The following STING1 variants were observed in gnomAD, a reference collection of about 807,000 sequenced individuals.
STING1 encodes stimulator of interferon genes protein.
In STING1, 19 loss-of-function variants were observed where a neutral mutation model predicts 31.6. The observed-to-expected ratio is 0.60, with a 90% CI of 0.42 to 0.88. The LOEUF (loss-of-function observed/expected upper bound fraction) is 0.88. Among genes scored for constraint, STING1 ranks in the 40% least tolerant of loss-of-function variants. The pLI, the probability that STING1 is intolerant of heterozygous loss-of-function variation, is 0.00. For synonymous variants in STING1, 200 were observed against 208.6 expected, an observed-to-expected ratio of 0.96 and a Z score of 0.35; for missense variants, 371 against 483.7, an observed-to-expected ratio of 0.77 and a Z score of 2.19.
Position 139,477,449 on chromosome 5 carries a change from G to C in STING1, c.826C>G (p.Gln276Glu), listed in dbSNP as rs1751696876. ...QTLFAMSQYS[Q>E]AGFSREDRLE... is the part of the protein sequence containing the mutation. ...CTATCCTCCCGGCTAAAGCCAGCTTGACTGTATTGTGACATGGCAAACAAA... is the reference window on the plus strand; with the variant it reads ...CTATCCTCCCGGCTAAAGCCAGCTTCACTGTATTGTGACATGGCAAACAAA... The change falls in exon 7 of 8, where the codon CAA becomes GAA. Residue 276 changes from glutamine to glutamate, a missense_variant. Gln to Glu is a conservative substitution (Grantham distance 29). Transcript: ENST00000330794. The C allele has an allele frequency of 1.9e-6, 3 of 1,614,212 alleles. No individual in the cohort carries two copies. The highest frequency in any genetic ancestry group is 2.5e-6 in the Non-Finnish European group (3 of 1,180,026).
chr5:139,476,904 C>CATCTCA (rs1554072664), intron 7 of STING1, among the ~76,000 whole-genome samples: 2 of 118,408 alleles, frequency 1.7e-5, no homozygotes, highest in East Asian at 4.7e-4. Flanking sequence ...GACTCCATCT[C>CATCTCA]AAAAAAAAAA....
Position 139,476,427 on chromosome 5 carries a change from A to C in STING1, c.974T>G (p.Leu325Arg). 6.2e-7 allele frequency: 1 copy of C among 1,612,418 alleles called. No homozygotes were observed. Among genetic ancestry groups the C allele is most frequent in the Non-Finnish European group, 8.5e-7 (1 of 1,179,968 alleles). Residue 325 changes from leucine (L) to arginine (R), a missense_variant, in exon 8 of 8, where the codon CTG becomes CGG. By Grantham distance (102) the Leu-to-Arg change is moderately radical. Transcript: ENST00000330794. ...CAGGTGCCGGAGAACCTCCTGGGAC[A>C]GCGAGAAGCTGCTGTCATCTGCAGG... ...QEPADDSSFS[L>R]SQEVLRHLRQ... is the part of the protein sequence containing the mutation.
rs1443477829 is a variant in STING1 at position 139,481,126 on chromosome 5, T to A, written c.411+33A>T. The A allele has an allele frequency of 1.2e-6, 2 of 1,610,684 alleles. No homozygotes were observed. The highest frequency in any genetic ancestry group is 2.2e-5 in the South Asian group (2 of 90,946). On this transcript the variant is annotated intron_variant, in intron 4 of 7. Coordinates refer to ENST00000330794, the MANE Select transcript of STING1 (RefSeq NM_198282.4). The surrounding 1 kb of genome is among the most constrained non-coding windows in gnomAD (Gnocchi z 4.1). ...GGTCACACCAGCCACAGCCACCACTTGGCCAGAGCTTCTACCTCCCCCTGT... is the reference window on the plus strand; with the variant it reads ...GGTCACACCAGCCACAGCCACCACTAGGCCAGAGCTTCTACCTCCCCCTGT...
chr5:139,480,641 A>C, intron 5 of STING1, 149 bp downstream of exon 5: 1 of 626,790 alleles, frequency 1.6e-6, no homozygotes. Context: ...TCATAGCAAC[A>C]TCCTTCATGC....
rs747314479 is a variant in STING1 at position 139,478,467 on chromosome 5, T to C, written c.562A>G (p.Asn188Asp). 4.3e-6 allele frequency: 7 copies of C among 1,614,142 alleles called. No homozygotes were observed. The South Asian group carries it at 7.7e-5, about 18-fold the overall frequency. ...RIRTYNQHYN[N>D]LLRGAVSQRL... ...TGGCTCACTGCACCCCGTAGCAGGT[T>C]GTTGTAATGCTGATTGTAAGTTCGA... The change falls in exon 6 of 8, where the codon AAC (asparagine) becomes GAC (aspartate). Residue 188 changes from asparagine (N) to aspartate (D), a missense_variant. Physicochemically the swap from Asn to Asp is conservative, Grantham distance 23. Coordinates refer to ENST00000330794, the MANE Select transcript of STING1 (RefSeq NM_198282.4).
chr5:139,479,559 G>A (rs932191238), intron 5 of STING1, among the ~76,000 whole-genome samples: 6 of 150,514 alleles, frequency 4.0e-5, no homozygotes, highest in African/African-American at 1.5e-4. Flanking sequence ...AAAATTAGCC[G>A]GGCGTGGTGG....
Position 139,476,007 on chromosome 5 carries a change from T to G in STING1, c.*254A>C. 1 of 442,174 alleles carries G rather than the reference T, an allele frequency of 2.3e-6. No homozygotes were observed. 27.4% of individuals were successfully genotyped at this position (442,174 alleles called of 1,614,324 possible). ...TTATGAAAAACTTCCACACACTCAGTCCTCACAACAACCGTGAGGGAGGTA... is the reference window on the plus strand; with the variant it reads ...TTATGAAAAACTTCCACACACTCAGGCCTCACAACAACCGTGAGGGAGGTA... On this transcript the variant is annotated 3_prime_UTR_variant, in exon 8 of 8. Transcript: ENST00000330794.
chr5:139,480,053 C>T (rs1751790291), intron 5 of STING1, among the ~76,000 whole-genome samples: 1 of 151,288 alleles, frequency 6.6e-6, no homozygotes, highest in Admixed American at 6.6e-5. Flanking sequence ...TTGGTGGCTC[C>T]TGCTTGTTAT....
Position 139,477,522 on chromosome 5 carries a change from G to T in STING1, c.760-7C>A. 2 of 1,612,522 alleles carry T rather than the reference G, an allele frequency of 1.2e-6. No homozygotes were observed. The highest frequency in any genetic ancestry group is 1.7e-6 in the Non-Finnish European group (2 of 1,179,092). On this transcript the variant is annotated splice_polypyrimidine_tract_variant and splice_region_variant and intron_variant, in intron 6 of 7. Transcript: ENST00000330794. ...CCAGGACACAGGTGCCCGCCTAGAG[G>T]AGGTAAGAGGAAGACCAGACTAAGC... is the stretch of plus-strand genomic sequence containing the variant.
Position 139,478,460 on chromosome 5 carries a change from A to G in STING1, c.569T>C (p.Leu190Pro). 1 of 1,614,202 alleles carries G rather than the reference A, an allele frequency of 6.2e-7. No individual in the cohort carries two copies. The highest frequency in any genetic ancestry group is 8.5e-7 in the Non-Finnish European group (1 of 1,180,028). ...CAGCCGCTGGCTCACTGCACCCCGT[A>G]GCAGGTTGTTGTAATGCTGATTGTA... ...RTYNQHYNNL[L>P]RGAVSQRLYI... Residue 190 changes from leucine to proline, a missense_variant, in exon 6 of 8, where the codon CTA becomes CCA. Transcript: ENST00000330794.
At position 139,476,497 on chromosome 5, in the gene STING1, C is replaced by A. The variant is rs374785732; in HGVS notation, c.947-43G>T. 72 of 1,573,306 alleles carry A rather than the reference C, an allele frequency of 4.6e-5. No homozygotes were observed. In the South Asian group the frequency reaches 7.8e-4, roughly 17 times the overall value. ...GGGAGAGAGTAATGAGGATCTTACCCATTCCCACTCAAACATACCTAGAGA... is the reference window on the plus strand; with the variant it reads ...GGGAGAGAGTAATGAGGATCTTACCAATTCCCACTCAAACATACCTAGAGA... On this transcript the variant is annotated intron_variant, in intron 7 of 7. Transcript: ENST00000330794.
chr5:139,478,181 G>T, intron 6 of STING1, 89 bp downstream of exon 6: 1 of 972,398 alleles, frequency 1.0e-6, no homozygotes, highest in Non-Finnish European at 1.6e-6. Context: ...TCAGAGAAGG[G>T]CAGTGAATTT....
At chr5:139,480,709 G>T (rs931359877) in intron 5 of STING1, 81 bp downstream of exon 5, 1 of 852,100 alleles carries the variant, frequency 1.2e-6, no homozygotes, top group Non-Finnish European at 2.0e-6. Flanking sequence ...AGTGAGTTCT[G>T]TGTGTTTAGA....
chr5:139,476,181 T>G lies in STING1; in HGVS notation c.*80A>C, dbSNP rs773476941. ...CCCCTGTGGAAGGAAATAGCTCTGCTGGACATTCAGCCACTGAAGAGAGCC... is the reference window on the plus strand; with the variant it reads ...CCCCTGTGGAAGGAAATAGCTCTGCGGGACATTCAGCCACTGAAGAGAGCC... On this transcript the variant is annotated 3_prime_UTR_variant, in exon 8 of 8. Coordinates refer to ENST00000330794, the MANE Select transcript of STING1 (RefSeq NM_198282.4). 6.0e-6 allele frequency: 7 copies of G among 1,166,578 alleles called. No individual in the cohort carries two copies. The highest frequency in any genetic ancestry group is 8.5e-6 in the Non-Finnish European group (7 of 826,346). The allele number at this position is 1,166,578 out of a possible 1,614,324, so 72.3% of individuals were successfully genotyped here.
At chr5:139,477,897 C>T (rs1044894899) in intron 6 of STING1, among the ~76,000 whole-genome samples, 19 of 152,190 alleles carry the variant, frequency 1.2e-4, no homozygotes, top group Admixed American at 7.9e-4. Context: ...TCACAGCCTT[C>T]GTCTGGGGCA....
intron 5 of STING1, among the ~76,000 whole-genome samples, chr5:139,479,398 C>T (rs538849803): frequency 2.6e-5 from 4 of 151,046 alleles, no homozygotes; most frequent in African/African-American, 9.7e-5. Flanking sequence ...CTTTACCTCT[C>T]AGAACTGCAC....
intron 5 of STING1, 129 bp downstream of exon 5, chr5:139,480,661 A>T: frequency 3.1e-6 from 2 of 655,366 alleles, no homozygotes; most frequent in Non-Finnish European, 5.5e-6. Flanking sequence ...CCTTGGGATT[A>T]AAGGATTTGG....
chr5:139,481,108 C>A lies in STING1; in HGVS notation c.411+51G>T. The A allele has an allele frequency of 6.3e-7, 1 of 1,592,402 alleles. No individual in the cohort carries two copies. On this transcript the variant is annotated intron_variant, in intron 4 of 7. Coordinates refer to ENST00000330794, the MANE Select transcript of STING1 (RefSeq NM_198282.4). The surrounding 1 kb of genome is among the most constrained non-coding windows in gnomAD (Gnocchi z 4.1). ...AGTACTCAGCTCAGGGCAGGTCACA[C>A]CAGCCACAGCCACCACTTGGCCAGA...
Position 139,476,249 on chromosome 5 carries a change from T to G in STING1, c.*12A>C. 1 of 1,560,364 alleles carries G rather than the reference T, an allele frequency of 6.4e-7. No individual in the cohort carries two copies. The highest frequency in any genetic ancestry group is 1.2e-5 in the South Asian group (1 of 85,288). On this transcript the variant is annotated 3_prime_UTR_variant, in exon 8 of 8. Transcript: ENST00000330794. ...GAGACCACTGGAGGCTCTGGCCTGG[T>G]GACCCTGGGTCTCAAGAGAAATCCG...
Sources: gnomAD v4.1 joint callset for allele counts (sites outside exome capture counted in the v4.1 genomes callset) on GRCh38, gnomAD v4.1.1 for gene constraint, Gnocchi (gnomAD v3.1) non-coding constraint, MANE v1.5 for transcripts, NCBI Gene and HGNC (gene_info 2026-07-23, HGNC 2026-07-21) for gene names.